The following RAB9B variants were observed in gnomAD, a reference collection of about 807,000 sequenced individuals.
The protein encoded by RAB9B is ras-related protein Rab-9B.
In RAB9B, 1 loss-of-function variant was observed where a neutral mutation model predicts 8.9. The ratio of observed to expected loss-of-function variants is 0.11; its 90% CI spans 0.04 to 0.53. The LOEUF is 0.53. RAB9B is among the 20% of genes least tolerant of loss of function. The pLI is 0.93. For synonymous variants in RAB9B, 63 were observed against 57.0 expected (o/e 1.10, Z -0.47); for missense variants, 82 against 152.9 (o/e 0.54, Z 2.45).
Position 103,825,710 on chromosome X carries a change from G to A in RAB9B, c.75C>T (p.Asn25=), listed in dbSNP as rs760244641. ...DGGVGKSSLM[N]RYVTNKFDSQ... is the part of the protein sequence containing the mutation. ...AGTCAAATTTGTTGGTTACGTAACG[G>A]TTCATAAGCGAACTTTTCCCAACTC... The change falls in exon 3 of 3, where the codon AAC becomes AAT. Residue 25 remains asparagine (N), a synonymous_variant. Transcript: ENST00000243298. The A allele has an allele frequency of 8.3e-6, 10 of 1,205,780 alleles. No individual in the cohort carries two copies. The highest frequency in any genetic ancestry group is 2.3e-4 in the Middle Eastern group (1 of 4,333).
the RAB9B span, among the ~76,000 whole-genome samples, chrX:103,811,933 T>C: frequency 9.1e-6 from 1 of 109,298 alleles, no homozygotes; most frequent in South Asian, 4.1e-4. Context: ...TACCCTCTTC[T>C]TGTATCCTCA....
chrX:103,826,210 T>C (rs1271560276), intron 2 of RAB9B, among the ~76,000 whole-genome samples: 3 of 112,047 alleles, frequency 2.7e-5, no homozygotes, highest in Non-Finnish European at 5.6e-5. Flanking sequence ...TGAAATTGAC[T>C]TGGGGTTTGA....
the RAB9B span, among the ~76,000 whole-genome samples, chrX:103,808,975 G>A: frequency 1.8e-5 from 2 of 113,042 alleles, no homozygotes; most frequent in African/African-American, 6.4e-5. Flanking sequence ...GCCTATTAAT[G>A]GTTGTTATGG....
At chrX:103,808,812 G>T in the RAB9B span, among the ~76,000 whole-genome samples, 1 of 112,916 alleles carries the variant, frequency 8.9e-6, no homozygotes, top group South Asian at 3.6e-4. Flanking sequence ...CAGCTAACTG[G>T]CTGGAAATGC....
At chrX:103,805,581 C>T in the RAB9B span, among the ~76,000 whole-genome samples, 39 of 111,673 alleles carry the variant, frequency 3.5e-4, no homozygotes, top group African/African-American at 1.3e-3. Context: ...GTGGAATTCA[C>T]CAGTTAAGCT....
the RAB9B span, among the ~76,000 whole-genome samples, chrX:103,779,388 G>A: frequency 8.9e-6 from 1 of 111,777 alleles, no homozygotes; most frequent in Non-Finnish European, 1.9e-5. Context: ...AAAGTGTGGC[G>A]GCAGAGCGGG....
At chrX:103,817,052 C>T in the RAB9B span, among the ~76,000 whole-genome samples, 5 of 111,948 alleles carry the variant, frequency 4.5e-5, no homozygotes, top group South Asian at 3.7e-4. Context: ...ACTAGAAATA[C>T]CTTTTGACCC....
At chrX:103,795,744 T>C in the RAB9B span, among the ~76,000 whole-genome samples, 5 of 112,345 alleles carry the variant, frequency 4.5e-5, no homozygotes, top group African/African-American at 1.6e-4. Flanking sequence ...ATGCAGATGA[T>C]ATTATCACAA....
chrX:103,789,775 A>G, the RAB9B span, among the ~76,000 whole-genome samples: 2 of 112,126 alleles, frequency 1.8e-5, no homozygotes, highest in African/African-American at 6.5e-5. Flanking sequence ...ATGACTTGCT[A>G]TAGCCTGGAA....
At chrX:103,794,227 C>G in the RAB9B span, among the ~76,000 whole-genome samples, 1 of 111,424 alleles carries the variant, frequency 9.0e-6, no homozygotes, top group South Asian at 3.8e-4. Context: ...ATTCTCCCCT[C>G]AGTATGTGGG....
chrX:103,784,159 C>A, the RAB9B span, among the ~76,000 whole-genome samples: 2 of 111,461 alleles, frequency 1.8e-5, no homozygotes, highest in African/African-American at 6.5e-5. Context: ...GCTTTCAGAG[C>A]CTGTGACTTC....
the RAB9B span, chrX:103,786,386 A>C: frequency 9.1e-7 from 1 of 1,099,052 alleles, no homozygotes; most frequent in Non-Finnish European, 1.3e-6. Flanking sequence ...TCTGGTGTAT[A>C]CCTCACTTAT....
At chrX:103,778,702 G>T in the RAB9B span, among the ~76,000 whole-genome samples, 363 of 111,439 alleles carry the variant, frequency 3.3e-3, 1 homozygote, top group Middle Eastern at 9.3e-3. Flanking sequence ...AAGGGTGGAC[G>T]ATACTTGGGC....
intron 2 of RAB9B, among the ~76,000 whole-genome samples, chrX:103,826,164 C>G (rs2074682665): frequency 8.9e-6 from 1 of 111,775 alleles, no homozygotes; most frequent in Non-Finnish European, 1.9e-5. Context: ...ACTTTAGCTT[C>G]CGGTTTGGAC....
At chrX:103,828,231 A>C (rs1479990376) in intron 1 of RAB9B, among the ~76,000 whole-genome samples, 1 of 111,908 alleles carries the variant, frequency 8.9e-6, no homozygotes, top group Non-Finnish European at 1.9e-5. Context: ...GATTCATTAG[A>C]TATCTAAATC....
At chrX:103,818,104 TA>T (rs1367708854), downstream of RAB9B, among the ~76,000 whole-genome samples, 1 of 110,546 alleles carries the variant, frequency 9.0e-6, no homozygotes. Flanking sequence ...ACCCACAATA[TA>T]AAAAAAGATT....
the RAB9B span, among the ~76,000 whole-genome samples, chrX:103,782,553 C>T: frequency 9.0e-6 from 1 of 111,665 alleles, no homozygotes; most frequent in African/African-American, 3.3e-5. Flanking sequence ...AGGATGTTTC[C>T]CTCTCATCTT....
chrX:103,819,578 T>TA (rs916887555), downstream of RAB9B, among the ~76,000 whole-genome samples: 33 of 109,285 alleles, frequency 3.0e-4, no homozygotes, highest in Admixed American at 1.7e-3. Context: ...CTTGCCCCCT[T>TA]AAAAAAAAAC....
the RAB9B span, chrX:103,791,992 A>G: frequency 6.2e-5 from 7 of 112,141 alleles, no homozygotes; most frequent in African/African-American, 2.3e-4. Flanking sequence ...TATAGATCAC[A>G]TAACAGAATG....
Sources: allele counts gnomAD v4.1 joint callset (sites outside exome capture counted in the v4.1 genomes callset), GRCh38; gene constraint gnomAD v4.1.1; transcripts MANE v1.5; gene names NCBI Gene and HGNC (gene_info 2026-07-23, HGNC 2026-07-21).